Variants in SORCS1 observed in about 807,000 individuals in gnomAD.
SORCS1 encodes sortilin related VPS10 domain containing receptor 1, also known as VPS10 domain-containing receptor SorCS1.
SORCS1 carries 60 observed loss-of-function variants against 146.1 expected under a neutral mutation model. That is an observed-to-expected ratio of 0.41 (90% CI 0.33 to 0.51). The LOEUF is 0.51. Ranked by LOEUF, SORCS1 falls within the 20% of genes least tolerant of loss-of-function variation. The pLI is 0.21. For synonymous variants in SORCS1, 637 were observed against 584.0 expected (o/e 1.09, Z -1.31); for missense variants, 1,352 against 1,487.6 (o/e 0.91, Z 1.50).
chr10:106,994,532 CA>C (rs1956916200), intron 1 of SORCS1, among the ~76,000 whole-genome samples: 2 of 152,122 alleles, frequency 1.3e-5, no homozygotes, highest in Non-Finnish European at 2.9e-5. Context: ...ACTCTGAAAC[CA>C]TTTTGTTCTT....
At chr10:106,879,786 T>G (rs915873317) in intron 2 of SORCS1, among the ~76,000 whole-genome samples, 8 of 152,164 alleles carry the variant, frequency 5.3e-5, no homozygotes, top group Non-Finnish European at 8.8e-5. Context: ...AACTCAGACC[T>G]ACAGCCTTAG....
chr10:106,744,828 T>C, intron 5 of SORCS1, among the ~76,000 whole-genome samples: 1 of 152,094 alleles, frequency 6.6e-6, no homozygotes, highest in Non-Finnish European at 1.5e-5. Context: ...GTGTATAACA[T>C]CTTCCTTTTG....
intron 2 of SORCS1, among the ~76,000 whole-genome samples, chr10:106,908,739 C>T (rs1362399235): frequency 6.6e-6 from 1 of 152,150 alleles, no homozygotes; most frequent in South Asian, 2.1e-4. Flanking sequence ...CTCTTTGAGG[C>T]AATGGAAACT....
At chr10:107,123,077 CAA>C (rs35115429) in intron 1 of SORCS1, among the ~76,000 whole-genome samples, 1,361 of 79,070 alleles carry the variant, frequency 0.017, 23 homozygotes, top group South Asian at 0.047. Flanking sequence ...GACAAACTGG[CAA>C]AAAAAAAAAA....
chr10:107,071,491 T>G (rs1962422761), intron 1 of SORCS1, among the ~76,000 whole-genome samples: 1 of 152,164 alleles, frequency 6.6e-6, no homozygotes, highest in Non-Finnish European at 1.5e-5. Context: ...TTATGGTGAG[T>G]CATTTCACCC....
intron 22 of SORCS1, among the ~76,000 whole-genome samples, chr10:106,611,123 C>T (rs907497530): frequency 6.6e-6 from 1 of 151,900 alleles, no homozygotes; most frequent in East Asian, 1.9e-4. Flanking sequence ...GAAGATGTGC[C>T]TAAAAGAAGG....
chr10:107,172,747 C>G, the SORCS1 span, among the ~76,000 whole-genome samples: 2 of 152,128 alleles, frequency 1.3e-5, no homozygotes, highest in Admixed American at 1.3e-4. Context: ...ATCATAAACA[C>G]CCACCACAAA....
intron 5 of SORCS1, among the ~76,000 whole-genome samples, chr10:106,742,386 A>T (rs56237835): frequency 8.1e-6 from 1 of 122,914 alleles, no homozygotes; most frequent in African/African-American, 4.4e-5. Flanking sequence ...AATTTTACAC[A>T]ATTTTTTTTT....
At chr10:107,075,405 A>G (rs1590076607) in intron 1 of SORCS1, among the ~76,000 whole-genome samples, 2 of 152,286 alleles carry the variant, frequency 1.3e-5, no homozygotes, top group Admixed American at 1.3e-4. Context: ...TGCCTTCTGA[A>G]TCTCACTTTC....
chr10:106,829,935 T>C (rs1049621415), intron 2 of SORCS1, among the ~76,000 whole-genome samples: 2 of 152,204 alleles, frequency 1.3e-5, no homozygotes, highest in African/African-American at 4.8e-5. Flanking sequence ...TGTGGTTAAT[T>C]TAAAAAGATT....
chr10:106,999,256 C>T (rs1359487291), intron 1 of SORCS1, among the ~76,000 whole-genome samples: 2 of 152,088 alleles, frequency 1.3e-5, no homozygotes, highest in Non-Finnish European at 2.9e-5. Flanking sequence ...ACCAAACATA[C>T]ATACACACAC....
At chr10:106,748,549 C>T (rs914347341) in intron 5 of SORCS1, among the ~76,000 whole-genome samples, 1 of 152,060 alleles carries the variant, frequency 6.6e-6, no homozygotes, top group Non-Finnish European at 1.5e-5. Flanking sequence ...TTCACTTATT[C>T]GTGCTAGTCT....
intron 3 of SORCS1, among the ~76,000 whole-genome samples, chr10:106,785,110 G>A (rs1327042756): frequency 6.6e-6 from 1 of 152,130 alleles, no homozygotes; most frequent in African/African-American, 2.4e-5. Flanking sequence ...CTCAAACTGA[G>A]GGCTCTTGGG....
At chr10:107,098,648 T>G (rs570944644) in intron 1 of SORCS1, among the ~76,000 whole-genome samples, 1 of 152,240 alleles carries the variant, frequency 6.6e-6, no homozygotes, top group Non-Finnish European at 1.5e-5. Context: ...AATGCCTTTG[T>G]GGCATAACTT....
At chr10:107,086,329 G>A (rs1392760358) in intron 1 of SORCS1, among the ~76,000 whole-genome samples, 1 of 152,128 alleles carries the variant, frequency 6.6e-6, no homozygotes, top group African/African-American at 2.4e-5. Context: ...GGATTATTTT[G>A]GGAGGTTGGG....
intron 14 of SORCS1, 73 bp downstream of exon 14, chr10:106,674,976 G>A: frequency 8.3e-6 from 10 of 1,205,108 alleles, no homozygotes; most frequent in South Asian, 3.9e-5. Context: ...AATCAAACAG[G>A]CTTAGCTATA....
intron 1 of SORCS1, among the ~76,000 whole-genome samples, chr10:106,981,144 T>C (rs913745745): frequency 5.9e-5 from 9 of 152,192 alleles, no homozygotes; most frequent in Admixed American, 1.3e-4. Flanking sequence ...AGGTTGTCAG[T>C]ATGCAAGAAG....
intron 14 of SORCS1, among the ~76,000 whole-genome samples, chr10:106,673,627 T>C (rs1181566476): frequency 1.3e-5 from 2 of 152,236 alleles, no homozygotes; most frequent in Non-Finnish European, 2.9e-5. Flanking sequence ...CAATCATAAA[T>C]GCTGTATTCT....
In SORCS1 at chr10:106,674,328, C is replaced by CAAAAAAAAAAAAAAAAAAAAAAAAAAAA. The variant is rs10658432; in HGVS notation, c.1940+693_1940+720dup. 7.3e-5 allele frequency among the ~76,000 whole-genome samples: 2 copies of CAAAAAAAAAAAAAAAAAAAAAAAAAAAA among 27,374 alleles called. 1 individual carries two copies. The highest frequency in any genetic ancestry group is 1.1e-4 in the Non-Finnish European group (2 of 18,436). The allele number at this position is 27,374 out of a possible 152,430, so 18.0% of individuals were successfully genotyped here. On this transcript the variant is annotated intron_variant, in intron 14 of 25. Transcript: ENST00000263054. The stretch of plus-strand genomic sequence containing the variant: ...TGGGCGACAGAGTAAGACTCCGTCT[C>CAAAAAAAAAAAAAAAAAAAAAAAAAAAA]AAAAAAAAAAAAAAAAAAAAAAAAA...
Sources: gnomAD v4.1 joint callset for allele counts (sites outside exome capture counted in the v4.1 genomes callset) on GRCh38, gnomAD v4.1.1 for gene constraint, MANE v1.5 for transcripts, NCBI Gene and HGNC (gene_info 2026-07-23, HGNC 2026-07-21) for gene names.